The following ZNF875 variants were observed in gnomAD, a reference collection of about 807,000 sequenced individuals.
The protein encoded by ZNF875 is HKR1, GLI-Kruppel zinc finger family member.
In ZNF875, 14 loss-of-function variants were observed where a neutral mutation model predicts 11.2. The observed-to-expected ratio is 1.26, with a 90% confidence interval of 0.83 to 1.96. The LOEUF (loss-of-function observed/expected upper bound fraction) is 1.96. Ranked by LOEUF, ZNF875 falls within the 30% of genes most tolerant of loss-of-function variation. The pLI is 0.00. For synonymous variants in ZNF875, 301 were observed against 281.1 expected (o/e 1.07, Z -0.71); for missense variants, 752 against 760.4 (o/e 0.99, Z 0.13).
chr19:37,328,846 A>G (rs543873478), intron 4 of ZNF875: 1 of 152,298 alleles, frequency 6.6e-6, no homozygotes, highest in South Asian at 2.1e-4. Context: ...GTTTACAGAG[A>G]AGCCCGTACA....
At position 37,334,694 on chromosome 19, in the gene ZNF875, G is replaced by A. The variant is rs1483048935; in HGVS notation, c.-145G>A. Reference sequence around the variant, plus strand: ...GCGCGTTAAGCTGGTTGGGACCCGGGAAGGCCTCCCTCTTAAGGTCTTTCC... The same window carrying A: ...GCGCGTTAAGCTGGTTGGGACCCGGAAAGGCCTCCCTCTTAAGGTCTTTCC... On this transcript the variant is annotated 5_prime_UTR_variant, in exon 1 of 5. Transcript: ENST00000392153. 9 of 456,072 alleles carry A rather than the reference G, an allele frequency of 2.0e-5. No homozygotes were observed. The East Asian group carries it at 5.6e-4, about 28-fold the overall frequency. The allele number at this position is 456,072 out of a possible 1,614,324, so 28.3% of individuals were successfully genotyped here.
chr19:37,320,758 C>T (rs1194641682), intron 1 of ZNF875, among the ~76,000 whole-genome samples: 11 of 152,134 alleles, frequency 7.2e-5, no homozygotes, highest in Non-Finnish European at 1.5e-4. Flanking sequence ...TGTAGTGTTT[C>T]CATATGGCCT....
chr19:37,319,265 C>G (rs904137959), intron 1 of ZNF875, among the ~76,000 whole-genome samples: 6 of 149,052 alleles, frequency 4.0e-5, no homozygotes, highest in African/African-American at 1.5e-4. Context: ...AAGCTGGTTT[C>G]GAACTCCCGA....
At chr19:37,313,782 T>G (rs2030064390), upstream of ZNF875, among the ~76,000 whole-genome samples, 1 of 152,038 alleles carries the variant, frequency 6.6e-6, no homozygotes, top group Admixed American at 6.5e-5. Flanking sequence ...ATTAATGGAC[T>G]TAGGTAAACT....
intron 2 of ZNF875, chr19:37,344,918 G>C (rs1428620654): frequency 3.1e-6 from 2 of 654,734 alleles, no homozygotes; most frequent in Non-Finnish European, 5.7e-6. Context: ...TACCTGAATA[G>C]CCTTTTTCTC....
chr19:37,346,170 G>A (rs1348544308), intron 2 of ZNF875: 2 of 152,206 alleles, frequency 1.3e-5, no homozygotes, highest in Non-Finnish European at 2.9e-5. Flanking sequence ...AAACCCGCAT[G>A]AGAGCATGGA....
intron 4 of ZNF875, among the ~76,000 whole-genome samples, chr19:37,354,521 C>T (rs768309682): frequency 2.6e-5 from 4 of 151,814 alleles, no homozygotes; most frequent in Non-Finnish European, 5.9e-5. Context: ...TGGGCTTCCT[C>T]ATACTTATTT....
intron 4 of ZNF875, among the ~76,000 whole-genome samples, chr19:37,349,495 A>G (rs781401978): frequency 6.6e-6 from 1 of 152,016 alleles, no homozygotes; most frequent in African/African-American, 2.4e-5. Flanking sequence ...GCATCTTTTT[A>G]TATGTTCATT....
Position 37,320,477 on chromosome 19 carries a change from C to CTTAA in ZNF875, c.-746-1707_-746-1706insTAAT. 1.3e-5 allele frequency among the ~76,000 whole-genome samples: 2 copies of CTTAA among 152,222 alleles called. 1 individual carries two copies. The highest frequency in any genetic ancestry group is 4.1e-4 in the South Asian group (2 of 4,838). On this transcript the variant is annotated intron_variant, in intron 1 of 5. Transcript: ENST00000544914. ...ATTGTTACTTAATGTGTTAAAGTGGCTGTTACAGACACTATTACTATGTCA... is the reference window on the plus strand; with the variant it reads ...ATTGTTACTTAATGTGTTAAAGTGGCTTAATGTTACAGACACTATTACTATGTCA...
chr19:37,333,671 C>CA (rs1461282138), upstream of ZNF875, among the ~76,000 whole-genome samples: 1 of 152,066 alleles, frequency 6.6e-6, no homozygotes, highest in Non-Finnish European at 1.5e-5. Context: ...AAAGATGACT[C>CA]ACTGACAATT....
rs185821115 is a variant in ZNF875, at chr19:37,319,274, G to A, written c.-747+1088G>A. Among the ~76,000 whole-genome samples, 156 of 147,954 alleles carry A rather than the reference G, an allele frequency of 1.1e-3. 1 individual carries two copies. The highest frequency in any genetic ancestry group is 2.5e-4 in the Non-Finnish European group (17 of 67,456). On this transcript the variant is annotated intron_variant, in intron 1 of 5. Coordinates refer to the ZNF875 transcript ENST00000544914. ...TTGGTCAAGCTGGTTTCGAACTCCCGAGCTTGGGTGATCCGCCCGCCTGGG... is the reference window on the plus strand; with the variant it reads ...TTGGTCAAGCTGGTTTCGAACTCCCAAGCTTGGGTGATCCGCCCGCCTGGG...
upstream of ZNF875, among the ~76,000 whole-genome samples, chr19:37,316,732 G>C (rs919168567): frequency 1.3e-5 from 2 of 151,132 alleles, no homozygotes; most frequent in South Asian, 2.1e-4. Flanking sequence ...GCGCGATCTC[G>C]GCTCACTGCA....
rs1795094783 is a variant in ZNF875, at chr19:37,363,754, T to C, written c.1902T>C (p.His634=). The change falls in exon 5 of 5, where the codon CAT becomes CAC. Residue 634 remains histidine (H), a synonymous_variant. Coordinates refer to ENST00000392153, the MANE Select transcript of ZNF875 (RefSeq NM_001353803.2). ...GTCGGAAGTCCAACCTTATCAGACATCAGAGGACACACTCAGGATAGAAAC... is the reference window on the plus strand; with the variant it reads ...GTCGGAAGTCCAACCTTATCAGACACCAGAGGACACACTCAGGATAGAAAC... The part of the protein sequence containing the change: ...GFSRKSNLIR[H]QRTHSG 6.2e-7 allele frequency: 1 copy of C among 1,612,790 alleles called. No homozygotes were observed.
intron 4 of ZNF875, among the ~76,000 whole-genome samples, chr19:37,325,629 T>G (rs2032302314): frequency 6.6e-6 from 1 of 151,856 alleles, no homozygotes; most frequent in Non-Finnish European, 1.5e-5. Flanking sequence ...CACTGCAGTC[T>G]CAAACTCCTG....
intron 4 of ZNF875, among the ~76,000 whole-genome samples, chr19:37,356,835 TC>T (rs1179231628): frequency 3.3e-5 from 5 of 152,218 alleles, no homozygotes; most frequent in African/African-American, 9.6e-5. Context: ...CTTAATTAAA[TC>T]ATATTTGTCC....
At chr19:37,358,133 CTTTTTTTTTTTT>C (rs35011906) in intron 4 of ZNF875, 8 of 85,618 alleles carry the variant, frequency 9.3e-5, no homozygotes, top group South Asian at 9.9e-4. Flanking sequence ...TTAAGATGAT[CTTTTTTTTTTTT>C]TTTTTTTTTT....
In ZNF875 at chr19:37,363,647, C is replaced by G. The variant is rs183513467; in HGVS notation, c.1795C>G (p.Arg599Gly). Residue 599 changes from arginine (R) to glycine (G), a missense_variant, in exon 5 of 5, where the codon CGG (arginine) becomes GGG (glycine). Arg to Gly is a moderately radical substitution (Grantham distance 125). Transcript: ENST00000392153. ...CAGGGAGTGTGGGCAAGGCTTTAGC[C>G]GGCAGTCACACCTCATTAGACACCA... ...VCRECGQGFS[R>G]QSHLIRHQRT... is the part of the protein sequence containing the mutation. The G allele has an allele frequency of 2.4e-5, 38 of 1,613,166 alleles. No homozygotes were observed. The highest frequency in any genetic ancestry group is 3.0e-5 in the Non-Finnish European group (35 of 1,179,606).
intron 4 of ZNF875, 171 bp from the exon 5 acceptor site, chr19:37,361,934 AAAAG>A (rs753503965): frequency 3.9e-6 from 2 of 516,082 alleles, no homozygotes; most frequent in African/African-American, 5.6e-5. Context: ...ACAAAAAAAC[AAAAG>A]AAAGTGTAAT....
upstream of ZNF875, among the ~76,000 whole-genome samples, chr19:37,330,401 C>T (rs1295263011): frequency 6.6e-6 from 1 of 152,206 alleles, no homozygotes; most frequent in Non-Finnish European, 1.5e-5. Flanking sequence ...CCAGGGTTGC[C>T]TGTCACCTTT....
Sources: allele counts gnomAD v4.1 joint callset (sites outside exome capture counted in the v4.1 genomes callset), GRCh38; gene constraint gnomAD v4.1.1; transcripts MANE v1.5; gene names NCBI Gene and HGNC (gene_info 2026-07-23, HGNC 2026-07-21).